The following COL21A1 variants were observed in gnomAD, a reference collection of about 807,000 sequenced individuals.
The protein encoded by COL21A1 is collagen type XXI alpha 1 chain, also known as collagen alpha-1(XXI) chain.
COL21A1 carries 149 observed loss-of-function variants against 137.9 expected under a neutral mutation model. The observed-to-expected ratio is 1.08, with a 90% CI of 0.95 to 1.24. COL21A1 has a LOEUF of 1.24. Among genes scored for constraint, COL21A1 ranks in the 50% most tolerant of loss-of-function variants. The pLI, the probability that COL21A1 is intolerant of heterozygous loss-of-function variation, is 0.00. For synonymous variants in COL21A1, 456 were observed against 391.5 expected, an observed-to-expected ratio of 1.16 and a Z score of -1.95; for missense variants, 1,167 against 1,158.4, an observed-to-expected ratio of 1.01 and a Z score of -0.11.
rs371461848 is a variant in COL21A1, at chr6:56,273,587, T to G, written c.-38-90931A>C. On this transcript the variant is annotated intron_variant, in intron 1 of 28. Transcript: ENST00000370819. ...AATACAAAGGACCCTCAGAGGCTACTATAGACAACTCCATGCACACAAATT... is the reference window on the plus strand; with the variant it reads ...AATACAAAGGACCCTCAGAGGCTACGATAGACAACTCCATGCACACAAATT... Among the ~76,000 whole-genome samples, 341 of 152,306 alleles carry G rather than the reference T, an allele frequency of 2.2e-3. 2 individuals carry two copies. The highest frequency in any genetic ancestry group is 7.9e-3 in the African/African-American group (327 of 41,568).
intron 12 of COL21A1, 91 bp from the exon 13 acceptor site, chr6:56,126,240 T>C (rs2152214535): frequency 1.3e-6 from 1 of 797,288 alleles, no homozygotes; most frequent in East Asian, 2.8e-5. Context: ...CTTGTCAAAA[T>C]CCACTTCAAA....
intron 1 of COL21A1, among the ~76,000 whole-genome samples, chr6:56,197,589 C>T (rs535109872): frequency 1.4e-4 from 22 of 152,156 alleles, no homozygotes; most frequent in Admixed American, 3.3e-4. Context: ...AAATGGTCAA[C>T]AGGTATATAA....
At chr6:56,225,181 T>C (rs1781109359) in intron 1 of COL21A1, among the ~76,000 whole-genome samples, 1 of 152,090 alleles carries the variant, frequency 6.6e-6, no homozygotes, top group African/African-American at 2.4e-5. Flanking sequence ...CATTTCATTT[T>C]CCTTTGACAT....
At chr6:56,156,778 G>T in intron 10 of COL21A1, 109 bp downstream of exon 10, 1 of 859,436 alleles carries the variant, frequency 1.2e-6, no homozygotes, top group Non-Finnish European at 1.9e-6. Flanking sequence ...TCCTATGGCA[G>T]CAGTCATGAA....
chr6:56,196,438 G>A (rs1400026819), intron 1 of COL21A1, among the ~76,000 whole-genome samples: 3 of 151,990 alleles, frequency 2.0e-5, no homozygotes, highest in African/African-American at 4.8e-5. Context: ...GTCTCTATTA[G>A]CATGTGACAT....
In COL21A1 at chr6:56,202,077, C is replaced by T. The variant is rs9475619; in HGVS notation, c.-38-19421G>A. 8.9e-3 allele frequency among the ~76,000 whole-genome samples: 1,358 copies of T among 151,984 alleles called. 20 individuals are homozygous for T. The highest frequency in any genetic ancestry group is 0.031 in the African/African-American group (1,273 of 41,448). On this transcript the variant is annotated intron_variant, in intron 1 of 29. Coordinates refer to ENST00000244728, the MANE Select transcript of COL21A1 (RefSeq NM_030820.4). ...CCTAAAACACTGATTTTGATTAACCCTAATCAAGGATAGTACAGATGAAAG... is the reference window on the plus strand; with the variant it reads ...CCTAAAACACTGATTTTGATTAACCTTAATCAAGGATAGTACAGATGAAAG...
At chr6:56,174,505 G>C (rs1777305067) in intron 3 of COL21A1, among the ~76,000 whole-genome samples, 1 of 151,896 alleles carries the variant, frequency 6.6e-6, no homozygotes, top group Admixed American at 6.6e-5. Flanking sequence ...GAAATAAAAA[G>C]GATTTTAAGT....
chr6:56,091,318 CAT>C (rs1439661315), intron 17 of COL21A1, among the ~76,000 whole-genome samples: 2 of 152,042 alleles, frequency 1.3e-5, no homozygotes, highest in Non-Finnish European at 2.9e-5. Context: ...ACAAGCATAA[CAT>C]GTGGTTAAGC....
chr6:56,355,860 A>T (rs973634964), intron 1 of COL21A1, among the ~76,000 whole-genome samples: 1 of 152,116 alleles, frequency 6.6e-6, no homozygotes, highest in Non-Finnish European at 1.5e-5. Flanking sequence ...ACCTTTTCTC[A>T]TCTTGTATGT....
In COL21A1 at chr6:56,064,432, C is replaced by T. The variant is rs917304841; in HGVS notation, c.2172+146G>A. On this transcript the variant is annotated intron_variant, in intron 24 of 29. Coordinates refer to ENST00000244728, the MANE Select transcript of COL21A1 (RefSeq NM_030820.4). ...AAAGAAACTCATTATCACCACACTA[C>T]CTACATGTTCAACCTTATATGCTTA... The T allele has an allele frequency of 2.0e-5, 11 of 545,806 alleles. No individual in the cohort carries two copies. In the Admixed American group the frequency reaches 2.1e-4, roughly 10 times the overall value. The allele number at this position is 545,806 out of a possible 1,614,324, so 33.8% of individuals were successfully genotyped here.
At chr6:56,177,739 C>A (rs974017837) in intron 3 of COL21A1, among the ~76,000 whole-genome samples, 5 of 139,974 alleles carry the variant, frequency 3.6e-5, no homozygotes, top group African/African-American at 1.4e-4. Flanking sequence ...TTGAAGTGAG[C>A]CGAGATTGCA....
rs570523773 is a variant in COL21A1, at chr6:56,196,805, C to A, written c.-38-14149G>T. Among the ~76,000 whole-genome samples the A allele has an allele frequency of 7.2e-5, 11 of 151,988 alleles. No individual in the cohort carries two copies. The East Asian group carries it at 2.1e-3, about 29-fold the overall frequency. ...AATATTGTTAAAATGTCCATACCAC[C>A]CAAAGGGATCTATAGATTTAGTTCA... On this transcript the variant is annotated intron_variant, in intron 1 of 29. Coordinates refer to ENST00000244728, the MANE Select transcript of COL21A1 (RefSeq NM_030820.4).
chr6:56,184,082 T>A (rs1225417031), intron 1 of COL21A1, among the ~76,000 whole-genome samples: 1 of 152,136 alleles, frequency 6.6e-6, no homozygotes, highest in Non-Finnish European at 1.5e-5. Context: ...AGCATATAAG[T>A]AAATTTTTCT....
At chr6:56,327,083 T>C (rs1002983203) in intron 1 of COL21A1, among the ~76,000 whole-genome samples, 9 of 152,134 alleles carry the variant, frequency 5.9e-5, no homozygotes, top group Non-Finnish European at 1.3e-4. Flanking sequence ...TTGTAGTAGA[T>C]GATGTAAAAC....
chr6:56,279,161 A>G (rs1433160484), intron 1 of COL21A1, among the ~76,000 whole-genome samples: 2 of 152,034 alleles, frequency 1.3e-5, no homozygotes, highest in African/African-American at 4.8e-5. Context: ...TGGGTGTTTA[A>G]AAGTGTTAGC....
intron 1 of COL21A1, among the ~76,000 whole-genome samples, chr6:56,367,960 C>T (rs151033051): frequency 6.6e-6 from 1 of 152,284 alleles, no homozygotes; most frequent in East Asian, 1.9e-4. Context: ...GTGATCTGCC[C>T]ACCTTGGCCT....
chr6:56,101,488 C>G lies in COL21A1; in HGVS notation c.1796G>C (p.Gly599Ala). 6.3e-7 allele frequency: 1 copy of G among 1,595,316 alleles called. No homozygotes were observed. The highest frequency in any genetic ancestry group is 8.5e-7 in the Non-Finnish European group (1 of 1,169,754). Residue 599 changes from glycine to alanine, a missense_variant, in exon 17 of 30, where the codon GGA (glycine) becomes GCA (alanine). Physicochemically the swap from Gly to Ala is moderately conservative, Grantham distance 60. Transcript: ENST00000244728. The stretch of plus-strand genomic sequence containing the variant: ...GGTACTCACAGGCTCTCCCCGTGTT[C>G]CATCCTGCCCCGGAGCACCAGGGGA... ...AGSPGAPGQDGTRGEPGIPGF... is the reference protein window; with the variant it reads ...AGSPGAPGQDATRGEPGIPGF...
rs530120536 is a variant in COL21A1, at chr6:56,260,522, CA to C, written c.-38-77867del. On this transcript the variant is annotated intron_variant, in intron 1 of 28. Coordinates refer to the COL21A1 transcript ENST00000370819. ...CCAGGAGGTGGAGGTTGCAGTGAAC[CA>C]AGACTGAGCATCTGCACTTCAGCCT... Among the ~76,000 whole-genome samples the C allele has an allele frequency of 3.3e-3, 495 of 147,810 alleles. 3 individuals carry two copies. Among genetic ancestry groups the C allele is most frequent in the African/African-American group, 0.012 (481 of 40,122 alleles).
chr6:56,318,213 TTTC>T (rs943374050), intron 1 of COL21A1, among the ~76,000 whole-genome samples: 3 of 152,122 alleles, frequency 2.0e-5, no homozygotes, highest in South Asian at 2.1e-4. Flanking sequence ...CTCAAACCCC[TTTC>T]TTCTTCTTTA....
Sources: gnomAD v4.1 joint callset for allele counts (sites outside exome capture counted in the v4.1 genomes callset) on GRCh38, gnomAD v4.1.1 for gene constraint, MANE v1.5 for transcripts, NCBI Gene and HGNC (gene_info 2026-07-23, HGNC 2026-07-21) for gene names.